Variants in NAV2 observed in about 807,000 individuals in gnomAD.
The protein encoded by NAV2 is neuron navigator 2, also known as helicase, APC down-regulated 1.
In NAV2, 54 loss-of-function variants were observed where a neutral mutation model predicts 223.2. The observed-to-expected ratio is 0.24, with a 90% CI of 0.19 to 0.30. The LOEUF (loss-of-function observed/expected upper bound fraction) is 0.30. Among genes scored for constraint, NAV2 ranks in the 10% least tolerant of loss-of-function variants. The probability of loss-of-function intolerance (pLI) is 1.00; values close to 1 mark genes in which losing one functional copy is unlikely to be tolerated. For synonymous variants in NAV2, 1,279 were observed against 1,239.3 expected, an observed-to-expected ratio of 1.03 and a Z score of -0.67; for missense variants, 2,806 against 3,147.5, an observed-to-expected ratio of 0.89 and a Z score of 2.60.
At position 20,107,728 on chromosome 11, in the gene NAV2, G is replaced by T; in HGVS notation, c.6906G>T (p.Leu2302Phe). 1 of 1,614,186 alleles carries T rather than the reference G, an allele frequency of 6.2e-7. No homozygotes were observed. ...GCTCGAGAGTGTGGTTCACCGACTT[G>T]TGGAACTATTCCATTATCCCCTATC... is the stretch of plus-strand genomic sequence containing the variant. ...VDGSRVWFTD[L>F]WNYSIIPYLL... is the part of the protein sequence containing the mutation. Residue 2302 changes from leucine to phenylalanine, a missense_variant, in exon 36 of 38, where the codon TTG becomes TTT. Transcript: ENST00000349880.
intron 1 of NAV2, among the ~76,000 whole-genome samples, chr11:19,828,715 C>T (rs909883455): frequency 6.6e-6 from 1 of 152,182 alleles, no homozygotes; most frequent in Non-Finnish European, 1.5e-5. Context: ...GTCTTGAACT[C>T]CTGGGCTCAA....
At chr11:19,774,464 A>C (rs1177188904) in intron 1 of NAV2, among the ~76,000 whole-genome samples, 1 of 152,236 alleles carries the variant, frequency 6.6e-6, no homozygotes, top group Non-Finnish European at 1.5e-5. Flanking sequence ...GGTGTGAGCT[A>C]CCGCGCTCAG....
chr11:19,391,056 A>C (rs1849228199), intron 1 of NAV2, among the ~76,000 whole-genome samples: 1 of 152,182 alleles, frequency 6.6e-6, no homozygotes, highest in Non-Finnish European at 1.5e-5. Flanking sequence ...TAGGTATCCC[A>C]GGCCAAGTAA....
intron 1 of NAV2, among the ~76,000 whole-genome samples, chr11:19,378,276 G>A (rs1379518580): frequency 1.3e-5 from 2 of 152,166 alleles, no homozygotes; most frequent in African/African-American, 2.4e-5. Flanking sequence ...GAGCTTTTGG[G>A]GGTGCCCGCT....
intron 1 of NAV2, among the ~76,000 whole-genome samples, chr11:19,538,645 G>A (rs79250308): frequency 0.017 from 2,541 of 151,790 alleles, 84 homozygotes; most frequent in African/African-American, 0.058. Flanking sequence ...TTAGCTGCCA[G>A]GCCCAGACTT....
intron 1 of NAV2, among the ~76,000 whole-genome samples, chr11:19,495,738 T>G (rs1029516395): frequency 6.6e-6 from 1 of 152,066 alleles, no homozygotes; most frequent in Non-Finnish European, 1.5e-5. Context: ...TGCATGTAAA[T>G]ATACATATTT....
At chr11:20,018,150 T>A (rs374792803) in intron 11 of NAV2, among the ~76,000 whole-genome samples, 5 of 152,060 alleles carry the variant, frequency 3.3e-5, no homozygotes, top group Admixed American at 2.0e-4. Flanking sequence ...GATCAGGAGT[T>A]TGAGACCAGC....
At chr11:19,768,416 G>A (rs747389205) in intron 1 of NAV2, among the ~76,000 whole-genome samples, 8 of 152,108 alleles carry the variant, frequency 5.3e-5, no homozygotes, top group Non-Finnish European at 1.0e-4. Context: ...AAAAGTAGCC[G>A]ATAAGGGCTT....
At chr11:19,935,686 C>T (rs1402668379) in intron 7 of NAV2, among the ~76,000 whole-genome samples, 3 of 151,816 alleles carry the variant, frequency 2.0e-5, no homozygotes, top group Non-Finnish European at 2.9e-5. Flanking sequence ...TTTTGTTCTG[C>T]TTGCATTCTC....
chr11:19,816,953 A>T (rs2059121852), intron 1 of NAV2, among the ~76,000 whole-genome samples: 2 of 151,350 alleles, frequency 1.3e-5, no homozygotes, highest in Non-Finnish European at 2.9e-5. Context: ...AGAAAAAGGG[A>T]CTCCACCTGG....
intron 10 of NAV2, among the ~76,000 whole-genome samples, chr11:19,951,050 C>T (rs964901100): frequency 6.6e-6 from 1 of 152,186 alleles, no homozygotes; most frequent in Admixed American, 6.5e-5. Flanking sequence ...AGATAATTTC[C>T]TTATGCCCAG....
Position 20,055,844 on chromosome 11 carries a change from A to T in NAV2, c.4718A>T (p.Asp1573Val), listed in dbSNP as rs747544296. 6.2e-7 allele frequency: 1 copy of T among 1,614,164 alleles called. No individual in the cohort carries two copies. Among genetic ancestry groups the T allele is most frequent in the East Asian group, 2.2e-5 (1 of 44,872 alleles). The change falls in exon 19 of 38, where the codon GAT becomes GTT. Residue 1573 changes from aspartate (D) to valine (V), a missense_variant. Around this residue, in one of 4 missense-constraint regions of NAV2, gnomAD observed 742 missense variants for 777.9 expected, o/e 0.95. Transcript: ENST00000349880. ...MLRTHSLSNA[D>V]GQYDPYTDSR... Reference sequence around the variant, plus strand: ...AGGACTCACAGCCTCTCCAATGCTGATGGGCAGTATGATCCATACACTGAC... The same window carrying T: ...AGGACTCACAGCCTCTCCAATGCTGTTGGGCAGTATGATCCATACACTGAC...
chr11:19,571,876 G>C (rs773593042), intron 1 of NAV2, among the ~76,000 whole-genome samples: 8 of 152,220 alleles, frequency 5.3e-5, no homozygotes, highest in Non-Finnish European at 7.3e-5. Context: ...AAGGCTGAAT[G>C]ATAAGATATG....
chr11:20,063,761 A>T (rs1036109681), intron 20 of NAV2, among the ~76,000 whole-genome samples: 1 of 152,196 alleles, frequency 6.6e-6, no homozygotes, highest in Non-Finnish European at 1.5e-5. Context: ...GTGAATTGGA[A>T]ATTCTTTAGC....
chr11:19,797,913 T>G (rs1484162498), intron 1 of NAV2, among the ~76,000 whole-genome samples: 1 of 152,226 alleles, frequency 6.6e-6, no homozygotes, highest in African/African-American at 2.4e-5. Flanking sequence ...CTGGAAATAC[T>G]GTTCACCTTT....
chr11:19,832,720 A>T (rs976668856), intron 2 of NAV2, 119 bp downstream of exon 2: 3 of 780,664 alleles, frequency 3.8e-6, no homozygotes, highest in Non-Finnish European at 6.5e-6. Context: ...TCATGTCTTG[A>T]CAATTTATTT....
chr11:19,502,449 G>A (rs1231673635), intron 1 of NAV2, among the ~76,000 whole-genome samples: 2 of 152,162 alleles, frequency 1.3e-5, no homozygotes, highest in Non-Finnish European at 2.9e-5. Context: ...TTAAAGGCAG[G>A]TACGCTTTGC....
intron 1 of NAV2, among the ~76,000 whole-genome samples, chr11:19,620,303 A>G (rs1823225149): frequency 6.6e-6 from 1 of 152,206 alleles, no homozygotes; most frequent in Admixed American, 6.5e-5. Flanking sequence ...GAAAAAAGTC[A>G]TTGGTAGCTT....
At chr11:19,551,450 C>G (rs79653713) in intron 1 of NAV2, among the ~76,000 whole-genome samples, 2 of 152,312 alleles carry the variant, frequency 1.3e-5, no homozygotes, top group South Asian at 4.1e-4. Flanking sequence ...GTTGTGGACC[C>G]AGACGGCTGC....
Sources: gnomAD v4.1 joint callset for allele counts (sites outside exome capture counted in the v4.1 genomes callset) on GRCh38, gnomAD v4.1.1 for gene constraint, gnomAD v4.1.1 regional missense constraint, MANE v1.5 for transcripts, NCBI Gene and HGNC (gene_info 2026-07-23, HGNC 2026-07-21) for gene names.